The following SLC5A1 variants were observed in gnomAD, a reference collection of about 807,000 sequenced individuals.
SLC5A1 encodes sodium/glucose cotransporter 1.
In SLC5A1, 42 loss-of-function variants were observed where a neutral mutation model predicts 73.5. The ratio of observed to expected loss-of-function variants is 0.57; its 90% CI spans 0.45 to 0.74. The LOEUF (loss-of-function observed/expected upper bound fraction) is 0.74. SLC5A1 is among the 30% of genes least tolerant of loss of function. The pLI is 0.00. For synonymous variants in SLC5A1, 300 were observed against 317.4 expected, an observed-to-expected ratio of 0.95 and a Z score of 0.58; for missense variants, 634 against 855.4, an observed-to-expected ratio of 0.74 and a Z score of 3.23.
chr22:32,049,073 AAAATAAAT>A (rs369009468), intron 1 of SLC5A1, among the ~76,000 whole-genome samples: 1 of 43,382 alleles, frequency 2.3e-5, no homozygotes, highest in African/African-American at 4.9e-5. Context: ...GACTTTGTCT[AAAATAAAT>A]AAATAAATAA....
At chr22:32,083,338 C>T (rs1341545110) in intron 7 of SLC5A1, among the ~76,000 whole-genome samples, 184 bp downstream of exon 7, 1 of 152,206 alleles carries the variant, frequency 6.6e-6, no homozygotes, top group African/African-American at 2.4e-5. Context: ...GGGTCAGCTT[C>T]CTTATCCCTG....
chr22:32,096,060 C>G (rs1416580329), intron 11 of SLC5A1, among the ~76,000 whole-genome samples: 2 of 152,100 alleles, frequency 1.3e-5, no homozygotes, highest in Non-Finnish European at 1.5e-5. Flanking sequence ...TTCAGAGGGT[C>G]TGTGGATCCT....
At chr22:32,087,988 A>G (rs1181290931) in intron 10 of SLC5A1, among the ~76,000 whole-genome samples, 1 of 152,196 alleles carries the variant, frequency 6.6e-6, no homozygotes, top group African/African-American at 2.4e-5. Context: ...AAAAACTACA[A>G]ACTTCATGCA....
At chr22:32,062,053 TG>T (rs1032871653) in intron 2 of SLC5A1, among the ~76,000 whole-genome samples, 1 of 152,212 alleles carries the variant, frequency 6.6e-6, no homozygotes, top group Non-Finnish European at 1.5e-5. Context: ...AGATTTTACT[TG>T]TTCTGTTGCA....
At chr22:32,070,851 C>T (rs1361609348) in intron 5 of SLC5A1, among the ~76,000 whole-genome samples, 1 of 151,782 alleles carries the variant, frequency 6.6e-6, no homozygotes, top group Non-Finnish European at 1.5e-5. Context: ...AGGTGACTGT[C>T]AGTCTGATAA....
chr22:32,102,340 T>C (rs2094038110), intron 13 of SLC5A1, 103 bp downstream of exon 13: 2 of 830,494 alleles, frequency 2.4e-6, no homozygotes, highest in East Asian at 2.6e-5. Context: ...AATAGTTGTA[T>C]ATAATTATGG....
Position 32,102,216 on chromosome 22 carries a change from C to A in SLC5A1, c.1644C>A (p.Thr548=), listed in dbSNP as rs749931760. The A allele has an allele frequency of 1.9e-6, 3 of 1,613,642 alleles. No individual in the cohort carries two copies. The highest frequency in any genetic ancestry group is 2.2e-5 in the South Asian group (2 of 91,070). The change falls in exon 13 of 15, where the codon ACC becomes ACA. Residue 548 remains threonine (T), a synonymous_variant. Transcript: ENST00000266088. The stretch of plus-strand genomic sequence containing the variant: ...CCATCGTGGTCATCTCCCTCCTCAC[C>A]AAACCCATTCCGGATGTGCATGTGA... ...FITIVVISLL[T]KPIPDVHLYR...
chr22:32,107,068 C>T (rs950907995), intron 14 of SLC5A1, among the ~76,000 whole-genome samples: 2 of 152,152 alleles, frequency 1.3e-5, no homozygotes, highest in East Asian at 1.9e-4. Context: ...TCTTGATCTT[C>T]GAGTACCTTT....
At chr22:32,066,879 T>A (rs1044916616) in intron 2 of SLC5A1, 56 bp from the exon 3 acceptor site, 15 of 1,243,236 alleles carry the variant, frequency 1.2e-5, no homozygotes, top group Non-Finnish European at 1.8e-5. Flanking sequence ...TTTGACCCAC[T>A]CTGAGTGTCC....
intron 13 of SLC5A1, 118 bp from the exon 14 acceptor site, chr22:32,104,668 T>C: frequency 1.3e-6 from 1 of 741,368 alleles, no homozygotes; most frequent in South Asian, 1.5e-5. Context: ...ATGTTCTTCC[T>C]GGTACTGAGA....
At chr22:32,104,713 C>T in intron 13 of SLC5A1, 73 bp from the exon 14 acceptor site, 2 of 1,163,228 alleles carry the variant, frequency 1.7e-6, no homozygotes, top group Non-Finnish European at 2.6e-6. Flanking sequence ...ATGCATATCT[C>T]TTTGCCCCCC....
chr22:32,060,011 TTA>T (rs1491302460), intron 2 of SLC5A1, among the ~76,000 whole-genome samples: 8 of 107,916 alleles, frequency 7.4e-5, no homozygotes, highest in Non-Finnish European at 3.8e-5. Context: ...GGGGCCATGG[TTA>T]TACACACACA....
chr22:32,093,721 T>A (rs964195750), intron 11 of SLC5A1, among the ~76,000 whole-genome samples: 2 of 152,220 alleles, frequency 1.3e-5, no homozygotes, highest in Admixed American at 1.3e-4. Context: ...AATTCATTTA[T>A]CAGTTCTACA....
At chr22:32,058,883 T>C (rs1413761820) in intron 2 of SLC5A1, among the ~76,000 whole-genome samples, 1 of 152,196 alleles carries the variant, frequency 6.6e-6, no homozygotes, top group Non-Finnish European at 1.5e-5. Flanking sequence ...TTGCCTCTTC[T>C]TCAGGAGAGA....
intron 1 of SLC5A1, among the ~76,000 whole-genome samples, chr22:32,048,350 C>T (rs559746777): frequency 4.6e-5 from 7 of 152,134 alleles, no homozygotes; most frequent in African/African-American, 1.7e-4. Context: ...AGAAATAATC[C>T]GAAGGCTTAG....
intron 2 of SLC5A1, chr22:32,059,483 A>C: frequency 5.1e-6 from 2 of 395,046 alleles, no homozygotes; most frequent in Non-Finnish European, 6.9e-6. Flanking sequence ...CGAAAATGTC[A>C]TAAACAAAAG....
intron 10 of SLC5A1, among the ~76,000 whole-genome samples, chr22:32,089,452 C>G (rs1321599475): frequency 6.6e-6 from 1 of 152,190 alleles, no homozygotes; most frequent in Non-Finnish European, 1.5e-5. Context: ...TGACTCAGAT[C>G]TAACCAGCTG....
Position 32,085,912 on chromosome 22 carries a change from C to T in SLC5A1, c.1022-308C>T, listed in dbSNP as rs180892107. ...ATCCCAGCACTTTGGGAGGCTGAGGCGGGTGGATCACGAGGTCAGGAGATC... is the reference window on the plus strand; with the variant it reads ...ATCCCAGCACTTTGGGAGGCTGAGGTGGGTGGATCACGAGGTCAGGAGATC... On this transcript the variant is annotated intron_variant, in intron 9 of 14. Coordinates refer to ENST00000266088, the MANE Select transcript of SLC5A1 (RefSeq NM_000343.4). 2.0e-3 allele frequency among the ~76,000 whole-genome samples: 311 copies of T among 152,136 alleles called. 3 individuals carry two copies. The highest frequency in any genetic ancestry group is 7.1e-3 in the African/African-American group (295 of 41,516).
At chr22:32,049,131 T>A in intron 1 of SLC5A1, among the ~76,000 whole-genome samples, 1 of 142,684 alleles carries the variant, frequency 7.0e-6, no homozygotes, top group Non-Finnish European at 1.5e-5. Flanking sequence ...ATATATATAA[T>A]CATTATATAT....
Sources: allele counts gnomAD v4.1 joint callset (sites outside exome capture counted in the v4.1 genomes callset), GRCh38; gene constraint gnomAD v4.1.1; transcripts MANE v1.5; gene names NCBI Gene and HGNC (gene_info 2026-07-23, HGNC 2026-07-21).